The following IGF1R variants were observed in gnomAD, a reference collection of about 807,000 sequenced individuals.
IGF1R encodes the protein insulin like growth factor 1 receptor, also known as insulin-like growth factor 1 receptor.
IGF1R carries 44 observed loss-of-function variants against 144.6 expected under a neutral mutation model. The ratio of observed to expected loss-of-function variants is 0.30; its 90% CI spans 0.24 to 0.39. The LOEUF is 0.39. IGF1R is among the 10% of genes least tolerant of loss of function. The pLI is 1.00. For synonymous variants in IGF1R, 795 were observed against 722.8 expected, an observed-to-expected ratio of 1.10 and a Z score of -1.60; for missense variants, 1,355 against 1,833.7, an observed-to-expected ratio of 0.74 and a Z score of 4.77.
At chr15:98,801,123 TAAGAG>T (rs571568338) in intron 2 of IGF1R, among the ~76,000 whole-genome samples, 21 of 152,236 alleles carry the variant, frequency 1.4e-4, no homozygotes, top group South Asian at 1.0e-3. Context: ...CAGCACCACT[TAAGAG>T]AAGAGGAGGT....
intron 1 of IGF1R, among the ~76,000 whole-genome samples, chr15:98,649,936 G>T (rs1047535052): frequency 3.3e-5 from 5 of 152,182 alleles, no homozygotes; most frequent in Admixed American, 1.3e-4. Context: ...CGTCCTGACA[G>T]CCCAGCCGTG....
intron 2 of IGF1R, among the ~76,000 whole-genome samples, chr15:98,736,598 ATTTTC>A (rs1189307928): frequency 1.5e-5 from 2 of 137,928 alleles, no homozygotes; most frequent in Admixed American, 1.4e-4. Context: ...TAGTGGGAAT[ATTTTC>A]TTTTTTCTTT....
At chr15:98,660,146 CTG>C (rs1444519201) in intron 1 of IGF1R, 1 of 152,210 alleles carries the variant, frequency 6.6e-6, no homozygotes, top group African/African-American at 2.4e-5. Flanking sequence ...GTTTGGCTGT[CTG>C]AGAGAGAACT....
intron 2 of IGF1R, among the ~76,000 whole-genome samples, chr15:98,829,147 C>G (rs1286950047): frequency 6.6e-6 from 1 of 152,134 alleles, no homozygotes; most frequent in African/African-American, 2.4e-5. Flanking sequence ...AGGCATTTTA[C>G]CAAGTCCGGC....
chr15:98,915,469 C>G (rs948268974), intron 8 of IGF1R, among the ~76,000 whole-genome samples: 1 of 151,438 alleles, frequency 6.6e-6, no homozygotes, highest in African/African-American at 2.5e-5. Context: ...CACACTCCTT[C>G]ACACACACAG....
At chr15:98,912,259 T>C (rs2015057393) in intron 7 of IGF1R, among the ~76,000 whole-genome samples, 1 of 152,216 alleles carries the variant, frequency 6.6e-6, no homozygotes, top group Non-Finnish European at 1.5e-5. Context: ...TACTCTTTCC[T>C]CCTGCCAGAG....
chr15:98,677,919 A>G (rs925797260), intron 1 of IGF1R, among the ~76,000 whole-genome samples: 2 of 152,202 alleles, frequency 1.3e-5, no homozygotes, highest in African/African-American at 4.8e-5. Flanking sequence ...TTGCTGCATT[A>G]GCCTGCACAT....
intron 2 of IGF1R, among the ~76,000 whole-genome samples, chr15:98,802,304 A>C (rs2056380024): frequency 6.6e-6 from 1 of 152,214 alleles, no homozygotes; most frequent in African/African-American, 2.4e-5. Context: ...ATAAAGGCAC[A>C]TGTTGTACGT....
In IGF1R at chr15:98,927,510, TC is replaced by T. The variant is rs201713426; in HGVS notation, c.2783-2047del. Among the ~76,000 whole-genome samples, 1,140 of 152,332 alleles carry T rather than the reference TC, an allele frequency of 7.5e-3. 8 individuals are homozygous for T. The highest frequency in any genetic ancestry group is 0.031 in the Middle Eastern group (9 of 294). On this transcript the variant is annotated intron_variant, in intron 13 of 20. Coordinates refer to ENST00000650285, the MANE Select transcript of IGF1R (RefSeq NM_000875.5). ...GTTATTCTCTGGATGTGTTCCATTT[TC>T]TCCATGTCCCTGTTGAAATGTGAAA...
chr15:98,921,418 A>G (rs1021900902), intron 10 of IGF1R, among the ~76,000 whole-genome samples: 1 of 152,164 alleles, frequency 6.6e-6, no homozygotes, highest in Non-Finnish European at 1.5e-5. Flanking sequence ...GGTTGTTCCA[A>G]GCCCCATTCA....
chr15:98,821,974 T>C (rs2056811435), intron 2 of IGF1R, among the ~76,000 whole-genome samples: 1 of 152,220 alleles, frequency 6.6e-6, no homozygotes. Context: ...AAAAGGTATA[T>C]GAAGTGCTAA....
chr15:98,715,148 A>G (rs1215998135), intron 2 of IGF1R, among the ~76,000 whole-genome samples: 2 of 152,188 alleles, frequency 1.3e-5, no homozygotes, highest in Non-Finnish European at 2.9e-5. Flanking sequence ...TGCCTTTTAT[A>G]GTCAGGCGTG....
At chr15:98,909,384 G>A (rs1288980056) in intron 6 of IGF1R, among the ~76,000 whole-genome samples, 6 of 149,496 alleles carry the variant, frequency 4.0e-5, no homozygotes, top group Admixed American at 1.3e-4. Context: ...TCAGCCTCCC[G>A]AGCAGCTGAG....
At chr15:98,835,080 TAC>T (rs34443123) in intron 2 of IGF1R, among the ~76,000 whole-genome samples, 96,396 of 130,262 alleles carry the variant, frequency 0.74, 36,089 homozygotes, top group Admixed American at 0.82. Flanking sequence ...ACACCCCCCC[TAC>T]ACACACACAC....
chr15:98,910,394 C>G (rs552168674), intron 6 of IGF1R, among the ~76,000 whole-genome samples: 1 of 152,344 alleles, frequency 6.6e-6, no homozygotes, highest in African/African-American at 2.4e-5. Flanking sequence ...AATAACACTT[C>G]AGCAGGAACT....
rs2017264867 is a variant in IGF1R, at chr15:98,962,476, CAA to C, written c.*5035_*5036del. ...TAGCTGGTGGTACAAATGAGAACTTCAAGAGAGGATGTTATTTAGACTGAACC... is the reference window on the plus strand; with the variant it reads ...TAGCTGGTGGTACAAATGAGAACTTCGAGAGGATGTTATTTAGACTGAACC... On this transcript the variant is annotated 3_prime_UTR_variant, in exon 21 of 21. Transcript: ENST00000650285. 4 of 233,742 alleles carry C rather than the reference CAA, an allele frequency of 1.7e-5. No individual in the cohort carries two copies. The highest frequency in any genetic ancestry group is 5.6e-5 in the Admixed American group (1 of 17,798). 14.5% of individuals were successfully genotyped at this position (233,742 alleles called of 1,614,324 possible).
In IGF1R at chr15:98,805,980, G is replaced by A. The variant is rs1420231823; in HGVS notation, c.641-85345G>A. 3.3e-5 allele frequency among the ~76,000 whole-genome samples: 5 copies of A among 152,188 alleles called. No homozygotes were observed. The East Asian group carries it at 7.7e-4, about 23-fold the overall frequency. Reference sequence around the variant, plus strand: ...ACGAGTCTGCCCTTGCTGCAGATGCGAGTAGCAGGTATGGGGTGCCCACAC... The same window carrying A: ...ACGAGTCTGCCCTTGCTGCAGATGCAAGTAGCAGGTATGGGGTGCCCACAC... On this transcript the variant is annotated intron_variant, in intron 2 of 20. Coordinates refer to ENST00000650285, the MANE Select transcript of IGF1R (RefSeq NM_000875.5).
intron 2 of IGF1R, among the ~76,000 whole-genome samples, chr15:98,771,692 C>T (rs74823348): frequency 0.02 from 2,979 of 151,906 alleles, 74 homozygotes; most frequent in East Asian, 0.1. Flanking sequence ...TGAATAACAA[C>T]GTATGCAAGA....
intron 2 of IGF1R, among the ~76,000 whole-genome samples, chr15:98,803,690 G>A (rs1019153597): frequency 6.6e-6 from 1 of 151,952 alleles, no homozygotes; most frequent in Non-Finnish European, 1.5e-5. Context: ...GTTTGTAGTA[G>A]GGATGAGGTT....
Sources: gnomAD v4.1 joint callset for allele counts (sites outside exome capture counted in the v4.1 genomes callset) on GRCh38, gnomAD v4.1.1 for gene constraint, MANE v1.5 for transcripts, NCBI Gene and HGNC (gene_info 2026-07-23, HGNC 2026-07-21) for gene names.